Variants in ZMYM2 observed in about 807,000 individuals in gnomAD.
ZMYM2 encodes zinc finger MYM-type containing 2, also known as zinc finger MYM-type protein 2.
Under a neutral mutation model 162.8 loss-of-function variants are expected in ZMYM2, and 56 were observed. The ratio of observed to expected loss-of-function variants is 0.34; its 90% CI spans 0.28 to 0.43. The LOEUF (loss-of-function observed/expected upper bound fraction) is 0.43, where lower values mean the gene tolerates loss of function less well. ZMYM2 is among the 20% of genes least tolerant of loss of function. The probability of loss-of-function intolerance (pLI) is 1.00; values close to 1 mark genes in which losing one functional copy is unlikely to be tolerated. For missense variants in ZMYM2, 1,275 were observed against 1,621.8 expected, an observed-to-expected ratio of 0.79 and a Z score of 3.67; for synonymous variants, 510 against 541.6, an observed-to-expected ratio of 0.94 and a Z score of 0.81.
intron 2 of ZMYM2, among the ~76,000 whole-genome samples, chr13:19,961,725 G>T (rs771777238): frequency 2.0e-5 from 3 of 152,150 alleles, no homozygotes; most frequent in Admixed American, 2.0e-4. Context: ...CTGCTTTTAC[G>T]TAATACCAGA....
At chr13:19,909,430 C>T in the ZMYM2 span, among the ~76,000 whole-genome samples, 165 of 112,394 alleles carry the variant, frequency 1.5e-3, no homozygotes, top group Non-Finnish European at 2.5e-3. Flanking sequence ...CTGCCTTTTT[C>T]GTTTTTTTTT....
chr13:19,877,558 C>T, the ZMYM2 span, among the ~76,000 whole-genome samples: 1 of 152,232 alleles, frequency 6.6e-6, no homozygotes, highest in Non-Finnish European at 1.5e-5. Flanking sequence ...TGTCTTTCAA[C>T]ACTACTACAT....
At chr13:19,892,283 A>T in the ZMYM2 span, among the ~76,000 whole-genome samples, 1 of 149,944 alleles carries the variant, frequency 6.7e-6, no homozygotes, top group Admixed American at 6.7e-5. Context: ...TTATTTATTT[A>T]TTTTTTGAGA....
At chr13:19,894,100 A>AAC in the ZMYM2 span, among the ~76,000 whole-genome samples, 1,487 of 151,918 alleles carry the variant, frequency 9.8e-3, 47 homozygotes, top group African/African-American at 0.034. Context: ...ATTAGGATGG[A>AAC]ACACACATAC....
intron 6 of ZMYM2, among the ~76,000 whole-genome samples, chr13:20,010,213 T>C (rs1423075690): frequency 6.6e-6 from 1 of 152,206 alleles, no homozygotes; most frequent in Non-Finnish European, 1.5e-5. Flanking sequence ...TTTTTATTTT[T>C]GAGACAGAGT....
the ZMYM2 span, among the ~76,000 whole-genome samples, chr13:19,912,019 A>G: frequency 6.6e-6 from 1 of 152,214 alleles, no homozygotes; most frequent in Non-Finnish European, 1.5e-5. Flanking sequence ...GAGAATGACC[A>G]TGGGTTGTCA....
intron 21 of ZMYM2, among the ~76,000 whole-genome samples, chr13:20,073,330 TA>T (rs1402284401): frequency 6.6e-6 from 1 of 152,184 alleles, no homozygotes; most frequent in Non-Finnish European, 1.5e-5. Flanking sequence ...TATAGCTACT[TA>T]TATATAACTG....
chr13:20,069,572 C>T (rs1205394979), intron 21 of ZMYM2, among the ~76,000 whole-genome samples: 1 of 151,494 alleles, frequency 6.6e-6, no homozygotes, highest in East Asian at 1.9e-4. Context: ...CCTTTTTCTG[C>T]ATCTATTAAG....
At chr13:20,037,023 C>T in intron 12 of ZMYM2, 114 bp downstream of exon 12, 1 of 967,618 alleles carries the variant, frequency 1.0e-6, no homozygotes, top group Non-Finnish European at 1.4e-6. Flanking sequence ...CACTTAAGGC[C>T]CAGCCCTGAT....
chr13:19,919,670 T>A, the ZMYM2 span, among the ~76,000 whole-genome samples: 9 of 104,402 alleles, frequency 8.6e-5, no homozygotes, highest in Non-Finnish European at 1.5e-4. Flanking sequence ...TATATGTTTT[T>A]TTTCTTTTTC....
the ZMYM2 span, among the ~76,000 whole-genome samples, chr13:19,950,139 T>A: frequency 6.6e-6 from 1 of 151,716 alleles, no homozygotes; most frequent in Non-Finnish European, 1.5e-5. Context: ...AAAATTCAGC[T>A]GGGTATGGTG....
In ZMYM2 at chr13:20,052,303, A is replaced by C. The variant is rs1955432967; in HGVS notation, c.2485A>C (p.Lys829Gln). 6.4e-7 allele frequency: 1 copy of C among 1,571,334 alleles called. No individual in the cohort carries two copies. Among genetic ancestry groups the C allele is most frequent in the Admixed American group, 1.9e-5 (1 of 53,884 alleles). Residue 829 changes from lysine (K) to glutamine (Q), a missense_variant, in exon 14 of 25, where the codon AAA (lysine) becomes CAA (glutamine). Lys to Gln is a moderately conservative substitution (Grantham distance 53). Around this residue, in one of 10 missense-constraint regions of ZMYM2, gnomAD observed 177 missense variants for 228.0 expected, o/e 0.78. Coordinates refer to ENST00000610343, the MANE Select transcript of ZMYM2 (RefSeq NM_197968.4). ...TCAGGGTTGTCAGACATCTCGAACC[A>C]AAATGACAGTAAGTATTGGTGAAAT... ...YDQGCQTSRTKMTGSAPPPSP... is the reference protein window; with the variant it reads ...YDQGCQTSRTQMTGSAPPPSP...
intron 9 of ZMYM2, among the ~76,000 whole-genome samples, chr13:20,030,687 C>T (rs956790594): frequency 2.0e-5 from 3 of 152,028 alleles, no homozygotes; most frequent in Non-Finnish European, 4.4e-5. Flanking sequence ...CATGAGCCAC[C>T]ACGCCTGGCC....
the ZMYM2 span, among the ~76,000 whole-genome samples, chr13:19,872,071 G>A: frequency 6.6e-6 from 1 of 151,848 alleles, no homozygotes; most frequent in Non-Finnish European, 1.5e-5. Context: ...CTGGGTTCAG[G>A]TGATCCTCCC....
intron 21 of ZMYM2, chr13:20,072,285 C>T (rs1957144462): frequency 6.6e-6 from 1 of 152,566 alleles, no homozygotes. Flanking sequence ...TTTGGGAGGC[C>T]AAGGCAGGTG....
chr13:19,908,893 A>T, the ZMYM2 span, among the ~76,000 whole-genome samples: 27 of 152,330 alleles, frequency 1.8e-4, no homozygotes, highest in African/African-American at 6.3e-4. Context: ...TCTTACTGTT[A>T]TTACAGAAAG....
At chr13:19,865,333 C>A in the ZMYM2 span, among the ~76,000 whole-genome samples, 1 of 152,198 alleles carries the variant, frequency 6.6e-6, no homozygotes, top group Non-Finnish European at 1.5e-5. Context: ...CGCATGCAAC[C>A]CCCAAGGGCT....
the ZMYM2 span, among the ~76,000 whole-genome samples, chr13:19,900,396 A>T: frequency 2.0e-5 from 3 of 152,202 alleles, no homozygotes; most frequent in African/African-American, 7.2e-5. Flanking sequence ...GAATCATAAC[A>T]AAATAGCGTA....
chr13:19,943,388 G>A, the ZMYM2 span, among the ~76,000 whole-genome samples: 1 of 152,228 alleles, frequency 6.6e-6, no homozygotes, highest in Non-Finnish European at 1.5e-5. Context: ...ATTTTTGGGG[G>A]TGGGACACAA....
Sources: allele counts gnomAD v4.1 joint callset (sites outside exome capture counted in the v4.1 genomes callset), GRCh38; gene constraint gnomAD v4.1.1; regional missense constraint gnomAD v4.1.1; transcripts MANE v1.5; gene names NCBI Gene and HGNC (gene_info 2026-07-23, HGNC 2026-07-21).